PHF21B: variants seen among roughly 807,000 people sequenced by gnomAD.
PHF21B encodes the protein PHD finger protein 4.
In PHF21B, 22 loss-of-function variants were observed where a neutral mutation model predicts 62.2. The observed-to-expected ratio is 0.35, with a 90% confidence interval of 0.25 to 0.51. The LOEUF (loss-of-function observed/expected upper bound fraction) is 0.51. Among genes scored for constraint, PHF21B ranks in the 20% least tolerant of loss-of-function variants. The pLI is 0.97. For missense variants in PHF21B, 701 were observed against 707.9 expected (o/e 0.99, Z 0.11); for synonymous variants, 341 against 314.7 (o/e 1.08, Z -0.88).
In PHF21B at chr22:44,912,646, G is replaced by C. The variant is rs142998283; in HGVS notation, c.831+1176C>G. On this transcript the variant is annotated intron_variant, in intron 5 of 12. Transcript: ENST00000313237. ...GTTCTCCATTAAACCTCTTTCCTTT[G>C]TAAATTGCCCAGTCTTGGGTATGTC... Among the ~76,000 whole-genome samples the C allele has an allele frequency of 5.0e-3, 763 of 152,142 alleles. 11 individuals carry two copies. Among genetic ancestry groups the C allele is most frequent in the African/African-American group, 0.018 (727 of 41,506 alleles).
At chr22:44,920,576 G>T in intron 2 of PHF21B, 86 bp from the exon 3 acceptor site, 1 of 933,542 alleles carries the variant, frequency 1.1e-6, no homozygotes, top group Non-Finnish European at 1.6e-6. Context: ...GCAGGGGGCA[G>T]CTGCCTTGGA....
intron 2 of PHF21B, among the ~76,000 whole-genome samples, chr22:44,958,608 T>TTC: frequency 7.8e-6 from 1 of 128,756 alleles, no homozygotes; most frequent in African/African-American, 3.0e-5. Context: ...ATTTTTTTTT[T>TTC]TTTTTTTTTT....
intron 2 of PHF21B, among the ~76,000 whole-genome samples, chr22:44,932,572 C>G (rs913400761): frequency 6.6e-6 from 1 of 152,242 alleles, no homozygotes; most frequent in Admixed American, 6.5e-5. Context: ...CTAATTCCCA[C>G]AAAAGATGGG....
rs1285667374 is a variant in PHF21B at position 44,888,135 on chromosome 22, G to A, written c.1039-14C>T. 1 of 1,508,236 alleles carries A rather than the reference G, an allele frequency of 6.6e-7. No homozygotes were observed. Among genetic ancestry groups the A allele is most frequent in the Admixed American group, 2.1e-5 (1 of 47,470 alleles). 93.4% of individuals were successfully genotyped at this position (1,508,236 alleles called of 1,614,324 possible). On this transcript the variant is annotated splice_polypyrimidine_tract_variant and intron_variant, in intron 9 of 12. Transcript: ENST00000313237. ...GGTGATCTCGTTCTGGAAGAGAAGG[G>A]AGGGCAGGAGACAGGTCAGCCACAG...
At chr22:44,930,748 G>A (rs143571118) in intron 2 of PHF21B, among the ~76,000 whole-genome samples, 2 of 151,966 alleles carry the variant, frequency 1.3e-5, no homozygotes, top group East Asian at 2.0e-4. Context: ...GCACCAGAAG[G>A]GCTCTCACCT....
intron 2 of PHF21B, among the ~76,000 whole-genome samples, chr22:44,994,762 C>A (rs578063106): frequency 6.6e-6 from 1 of 152,238 alleles, no homozygotes; most frequent in African/African-American, 2.4e-5. Flanking sequence ...AACACTCCCC[C>A]ACCCCCACTT....
rs558641580 is a variant in PHF21B, at chr22:44,921,949, G to A, written c.121-1459C>T. 1.3e-3 allele frequency among the ~76,000 whole-genome samples: 191 copies of A among 152,260 alleles called. 2 individuals carry two copies. The highest frequency in any genetic ancestry group is 2.5e-3 in the Non-Finnish European group (167 of 68,014). ...GCTGGGATTATAGGCATGAGCCACC[G>A]CGCCCGGTCCTGATGGAGCAGTTCT... On this transcript the variant is annotated intron_variant, in intron 2 of 12. Transcript: ENST00000313237.
intron 2 of PHF21B, among the ~76,000 whole-genome samples, chr22:44,991,487 G>A (rs1310014950): frequency 6.6e-6 from 1 of 152,142 alleles, no homozygotes; most frequent in Non-Finnish European, 1.5e-5. Flanking sequence ...CCCAGGGAAG[G>A]AGGCAGAGGA....
At chr22:44,966,706 C>T (rs1184337990) in intron 2 of PHF21B, among the ~76,000 whole-genome samples, 1 of 152,144 alleles carries the variant, frequency 6.6e-6, no homozygotes, top group African/African-American at 2.4e-5. Context: ...AGCGGTAGCC[C>T]CCGCAGTAAC....
intron 2 of PHF21B, among the ~76,000 whole-genome samples, chr22:44,978,793 C>T (rs1159758410): frequency 6.6e-6 from 1 of 152,244 alleles, no homozygotes. Flanking sequence ...AATCTCCTGG[C>T]TCCCATAGGC....
intron 2 of PHF21B, among the ~76,000 whole-genome samples, chr22:44,970,108 A>G (rs551133311): frequency 6.6e-6 from 1 of 152,364 alleles, no homozygotes. Flanking sequence ...CTGTGCGGCC[A>G]GCCCAAGGCC....
chr22:44,953,342 G>A lies in PHF21B; in HGVS notation c.121-32852C>T, dbSNP rs187495223. On this transcript the variant is annotated intron_variant, in intron 2 of 12. Coordinates refer to ENST00000313237, the MANE Select transcript of PHF21B (RefSeq NM_138415.5). ...AGAACTCACAGCAATTCCTGTCTTT[G>A]AAGCTCCCGTGAGTGCCCCTCCCTA... Among the ~76,000 whole-genome samples, 149 of 152,280 alleles carry A rather than the reference G, an allele frequency of 9.8e-4. 1 individual carries two copies. Among genetic ancestry groups the A allele is most frequent in the African/African-American group, 3.4e-3 (141 of 41,552 alleles).
In PHF21B at chr22:45,009,335, G is replaced by A. The variant is rs1289214931; in HGVS notation, c.54+161C>T. ...GGGGCAGGCGGAGGGGAGCCCAGAAGGGGGTCCGCGCGTGTGCTCACTCCC... is the reference window on the plus strand; with the variant it reads ...GGGGCAGGCGGAGGGGAGCCCAGAAAGGGGTCCGCGCGTGTGCTCACTCCC... On this transcript the variant is annotated intron_variant, in intron 1 of 12. Coordinates refer to ENST00000313237, the MANE Select transcript of PHF21B (RefSeq NM_138415.5). The surrounding 1 kb of genome is among the most constrained non-coding windows in gnomAD (Gnocchi z 5.9). 5 of 724,764 alleles carry A rather than the reference G, an allele frequency of 6.9e-6. No homozygotes were observed. Among genetic ancestry groups the A allele is most frequent in the South Asian group, 4.0e-5 (2 of 50,352 alleles). 44.9% of individuals were successfully genotyped at this position (724,764 alleles called of 1,614,324 possible). A position where few individuals can be genotyped will look rare whatever the true frequency, so the allele number is the denominator to read the frequency against.
chr22:44,944,484 C>A (rs1318530397), intron 2 of PHF21B, among the ~76,000 whole-genome samples: 1 of 152,182 alleles, frequency 6.6e-6, no homozygotes, highest in Non-Finnish European at 1.5e-5. Flanking sequence ...CCTGGAGGCC[C>A]TGCATCAATA....
At chr22:44,963,847 A>G (rs2072472689) in intron 2 of PHF21B, among the ~76,000 whole-genome samples, 1 of 152,258 alleles carries the variant, frequency 6.6e-6, no homozygotes, top group African/African-American at 2.4e-5. Context: ...CCCAAGGGCC[A>G]GCCACACAAG....
chr22:44,951,931 C>G (rs890000764), intron 2 of PHF21B, among the ~76,000 whole-genome samples: 1 of 152,144 alleles, frequency 6.6e-6, no homozygotes, highest in African/African-American at 2.4e-5. Context: ...AGGTGGTGAA[C>G]AAGAGTGAAA....
At chr22:44,927,429 C>A (rs141127067) in intron 2 of PHF21B, among the ~76,000 whole-genome samples, 1 of 152,168 alleles carries the variant, frequency 6.6e-6, no homozygotes, top group African/African-American at 2.4e-5. Context: ...CAACCATGGA[C>A]CTACAGCCCC....
chr22:44,913,804 C>A lies in PHF21B; in HGVS notation c.831+18G>T. On this transcript the variant is annotated intron_variant, in intron 5 of 12. Coordinates refer to ENST00000313237, the MANE Select transcript of PHF21B (RefSeq NM_138415.5). ...CAGACTGAGCAGGGCCTGGGCCCTC[C>A]GGAGAGGCCTGTCCTACCTCGGGGT... 6.2e-7 allele frequency: 1 copy of A among 1,606,102 alleles called. No homozygotes were observed. The highest frequency in any genetic ancestry group is 8.5e-7 in the Non-Finnish European group (1 of 1,176,472).
intron 2 of PHF21B, among the ~76,000 whole-genome samples, chr22:44,982,442 C>T (rs950719550): frequency 3.9e-5 from 6 of 152,074 alleles, no homozygotes; most frequent in African/African-American, 7.2e-5. Context: ...ACCTGGGGCT[C>T]GGAAAGTCAT....
Sources: gnomAD v4.1 joint callset for allele counts (sites outside exome capture counted in the v4.1 genomes callset) on GRCh38, gnomAD v4.1.1 for gene constraint, Gnocchi (gnomAD v3.1) non-coding constraint, MANE v1.5 for transcripts, NCBI Gene and HGNC (gene_info 2026-07-23, HGNC 2026-07-21) for gene names.